COX7A2L: variants seen among roughly 807,000 people sequenced by gnomAD.
COX7A2L encodes the protein cytochrome c oxidase subunit 7A2-like, mitochondrial.
A neutral mutation model predicts 14.2 loss-of-function variants in COX7A2L; 18 were observed. The ratio of observed to expected loss-of-function variants is 1.27; its 90% CI spans 0.88 to 1.88. The LOEUF (loss-of-function observed/expected upper bound fraction) is 1.88, where lower values mean the gene tolerates loss of function less well. COX7A2L is among the 40% of genes most tolerant of loss of function. COX7A2L has a pLI of 0.00. For synonymous variants in COX7A2L, 65 were observed against 57.4 expected, an observed-to-expected ratio of 1.13 and a Z score of -0.60; for missense variants, 179 against 138.8, an observed-to-expected ratio of 1.29 and a Z score of -1.46.
downstream of COX7A2L, among the ~76,000 whole-genome samples, chr2:42,345,246 G>C (rs531445283): frequency 6.6e-6 from 1 of 152,030 alleles, no homozygotes; most frequent in South Asian, 2.1e-4. Flanking sequence ...AGCCAGGTCT[G>C]GTGGCACACA....
intron 1 of COX7A2L, 175 bp downstream of exon 1, chr2:42,360,915 A>G: frequency 1.5e-6 from 1 of 674,012 alleles, no homozygotes; most frequent in South Asian, 1.6e-5. Flanking sequence ...GTACACAAAA[A>G]GAAGCCTCAG....
At chr2:42,352,017 G>A (rs1232032470) in intron 2 of COX7A2L, among the ~76,000 whole-genome samples, 2 of 152,128 alleles carry the variant, frequency 1.3e-5, no homozygotes. Flanking sequence ...CACGAGAAAC[G>A]TTCTCCATTT....
At chr2:42,354,451 A>C (rs556682101) in intron 1 of COX7A2L, among the ~76,000 whole-genome samples, 1 of 152,340 alleles carries the variant, frequency 6.6e-6, no homozygotes, top group South Asian at 2.1e-4. Context: ...TTAAAGTCAG[A>C]AAGCATAATT....
chr2:42,360,693 C>A (rs1464287668), intron 1 of COX7A2L, among the ~76,000 whole-genome samples: 4 of 132,524 alleles, frequency 3.0e-5, no homozygotes. Context: ...TCAAGTGAGG[C>A]TGCCTATGGG....
In COX7A2L at chr2:42,338,953, C is replaced by G. The variant is rs758700523; in HGVS notation, c.193-5084G>C. ...TAAGAGAACGAGAGATTAGCTGTCCCTGCATCAGAGCGCCAGGAAGGCTGT... is the reference window on the plus strand; with the variant it reads ...TAAGAGAACGAGAGATTAGCTGTCCGTGCATCAGAGCGCCAGGAAGGCTGT... On this transcript the variant is annotated intron_variant, in intron 2 of 2. Coordinates refer to the COX7A2L transcript ENST00000468711. The surrounding 1 kb of genome is among the most constrained non-coding windows in gnomAD (Gnocchi z 4.4). Among the ~76,000 whole-genome samples the G allele has an allele frequency of 2.0e-5, 3 of 152,172 alleles. No homozygotes were observed. The highest frequency in any genetic ancestry group is 2.9e-5 in the Non-Finnish European group (2 of 68,028).
At position 42,339,377 on chromosome 2, in the gene COX7A2L, G is replaced by C. The variant is rs1229568579; in HGVS notation, c.193-5508C>G. 1.3e-5 allele frequency among the ~76,000 whole-genome samples: 2 copies of C among 152,122 alleles called. No homozygotes were observed. The highest frequency in any genetic ancestry group is 4.8e-5 in the African/African-American group (2 of 41,422). On this transcript the variant is annotated intron_variant, in intron 2 of 2. Coordinates refer to the COX7A2L transcript ENST00000468711. This position sits in a 1 kb window ranked among gnomAD's most constrained non-coding sequence, Gnocchi z 5.4. Reference sequence around the variant, plus strand: ...CTCCGTTCCACACCACTCACTCGAAGCATGAGAGACACACACTAGTGGTGA... The same window carrying C: ...CTCCGTTCCACACCACTCACTCGAACCATGAGAGACACACACTAGTGGTGA...
intron 1 of COX7A2L, among the ~76,000 whole-genome samples, chr2:42,367,681 G>A (rs1263155181): frequency 1.3e-5 from 2 of 152,344 alleles, no homozygotes; most frequent in Non-Finnish European, 2.9e-5. Context: ...TAGCATGGCT[G>A]TGCCCTCCAC....
chr2:42,347,887 C>T (rs1265973943), downstream of COX7A2L, among the ~76,000 whole-genome samples: 1 of 152,138 alleles, frequency 6.6e-6, no homozygotes, highest in Non-Finnish European at 1.5e-5. Flanking sequence ...CGCCATTGCA[C>T]TCCAGCCTGG....
intron 2 of COX7A2L, among the ~76,000 whole-genome samples, chr2:42,335,832 G>A (rs375436117): frequency 3.9e-4 from 60 of 152,366 alleles, no homozygotes; most frequent in African/African-American, 1.4e-3. Flanking sequence ...AGAAGGTGAT[G>A]ATGAGGCTTT....
chr2:42,336,167 C>T (rs907755008), intron 2 of COX7A2L, among the ~76,000 whole-genome samples: 1 of 152,212 alleles, frequency 6.6e-6, no homozygotes, highest in Admixed American at 6.5e-5. Flanking sequence ...ATTCCCCATC[C>T]CTCACTTCCT....
At chr2:42,343,202 T>C (rs996179523) in intron 2 of COX7A2L, among the ~76,000 whole-genome samples, 4 of 152,136 alleles carry the variant, frequency 2.6e-5, no homozygotes, top group African/African-American at 9.6e-5. Context: ...CCGGGCAGCC[T>C]CCTCTAAAGT....
At chr2:42,363,559 A>G (rs910044767), upstream of COX7A2L, among the ~76,000 whole-genome samples, 2 of 152,220 alleles carry the variant, frequency 1.3e-5, no homozygotes, top group Non-Finnish European at 2.9e-5. Flanking sequence ...AAAATGTTAC[A>G]ACAGCCAGGC....
intron 2 of COX7A2L, among the ~76,000 whole-genome samples, chr2:42,336,846 A>G (rs916797105): frequency 2.0e-5 from 3 of 152,136 alleles, no homozygotes; most frequent in African/African-American, 4.8e-5. Context: ...TGTGGGACTC[A>G]GGATCCAAAG....
rs1471907068 is a variant in COX7A2L, at chr2:42,350,550, A to G, written c.*669T>C. 6.6e-6 allele frequency: 1 copy of G among 152,228 alleles called. No homozygotes were observed. Among genetic ancestry groups the G allele is most frequent in the Admixed American group, 6.5e-5 (1 of 15,282 alleles). 9.4% of individuals were successfully genotyped at this position (152,228 alleles called of 1,614,324 possible). A position where few individuals can be genotyped will look rare whatever the true frequency, so the allele number is the denominator to read the frequency against. On this transcript the variant is annotated 3_prime_UTR_variant, in exon 3 of 3. Transcript: ENST00000234301. ...ACAGTCAAAATAAATCAAAATTTAAAGCTATAACATTTTTAAAAGATAAAG... is the reference window on the plus strand; with the variant it reads ...ACAGTCAAAATAAATCAAAATTTAAGGCTATAACATTTTTAAAAGATAAAG...
At chr2:42,359,814 C>T (rs1456270150) in intron 1 of COX7A2L, 1 of 151,728 alleles carries the variant, frequency 6.6e-6, no homozygotes, top group Admixed American at 6.6e-5. Context: ...ACTCTTCCTT[C>T]CCGTTCCCAC....
Position 42,342,523 on chromosome 2 carries a change from T to C in COX7A2L, c.193-8654A>G, listed in dbSNP as rs986157205. The stretch of plus-strand genomic sequence containing the variant: ...TCCAAGGCTTCTTCCTAAAACCTTC[T>C]CTGCCAAAGGGGAGGCAACGCCACC... On this transcript the variant is annotated intron_variant, in intron 2 of 2. Transcript: ENST00000468711. This position sits in a 1 kb window ranked among gnomAD's most constrained non-coding sequence, Gnocchi z 4.9. Among the ~76,000 whole-genome samples the C allele has an allele frequency of 3.9e-5, 6 of 152,102 alleles. No individual in the cohort carries two copies. The highest frequency in any genetic ancestry group is 9.7e-5 in the African/African-American group (4 of 41,414).
intron 1 of COX7A2L, among the ~76,000 whole-genome samples, chr2:42,358,314 C>T (rs10178208): frequency 0.6 from 91,530 of 152,040 alleles, 28,134 homozygotes; most frequent in East Asian, 0.74. Flanking sequence ...AGGAAGATGC[C>T]TTTCAACCAA....
intron 1 of COX7A2L, among the ~76,000 whole-genome samples, chr2:42,360,657 T>C (rs1670996464): frequency 6.6e-6 from 1 of 152,020 alleles, no homozygotes; most frequent in East Asian, 1.9e-4. Context: ...AACGCCTTTA[T>C]AGCCCCGCGC....
chr2:42,368,627 TCA>T (rs1043124410), intron 1 of COX7A2L, among the ~76,000 whole-genome samples: 2 of 152,250 alleles, frequency 1.3e-5, no homozygotes, highest in African/African-American at 2.4e-5. Flanking sequence ...TCACTGAGCC[TCA>T]GTTTATCTAT....
Sources: allele counts gnomAD v4.1 joint callset (sites outside exome capture counted in the v4.1 genomes callset), GRCh38; gene constraint gnomAD v4.1.1; non-coding constraint Gnocchi (gnomAD v3.1); transcripts MANE v1.5; gene names NCBI Gene and HGNC (gene_info 2026-07-23, HGNC 2026-07-21).